CRTC1: variants seen among roughly 807,000 people sequenced by gnomAD.
CRTC1 encodes the protein CREB regulated transcription coactivator 1, also known as CREB-regulated transcription coactivator 1.
Under a neutral mutation model 66.1 loss-of-function variants are expected in CRTC1, and 18 were observed. The observed-to-expected ratio is 0.27, with a 90% CI of 0.19 to 0.40. The LOEUF (loss-of-function observed/expected upper bound fraction) is 0.40, where lower values mean the gene tolerates loss of function less well. Ranked by LOEUF, CRTC1 falls within the 10% of genes least tolerant of loss-of-function variation. CRTC1 has a pLI of 1.00. For missense variants in CRTC1, 669 were observed against 887.9 expected (o/e 0.75, Z 3.13); for synonymous variants, 416 against 398.8 (o/e 1.04, Z -0.51).
chr19:18,729,319 A>C (rs964955261), intron 1 of CRTC1, among the ~76,000 whole-genome samples: 2 of 150,206 alleles, frequency 1.3e-5, no homozygotes, highest in African/African-American at 4.9e-5. Context: ...CCAGCTACTC[A>C]GGGGGCTGAG....
intron 1 of CRTC1, among the ~76,000 whole-genome samples, chr19:18,725,055 G>A (rs912046653): frequency 2.0e-5 from 3 of 151,994 alleles, no homozygotes; most frequent in Non-Finnish European, 4.4e-5. Flanking sequence ...TGGAGCTGGG[G>A]GGTGTCCCCT....
At chr19:18,734,699 C>T (rs2053960998) in intron 1 of CRTC1, among the ~76,000 whole-genome samples, 1 of 152,210 alleles carries the variant, frequency 6.6e-6, no homozygotes. Flanking sequence ...AGAAAGAAAA[C>T]AGATGCGGGA....
At chr19:18,716,964 CGTGCAGGCAGGACAGGA>C (rs570854265) in intron 1 of CRTC1, among the ~76,000 whole-genome samples, 2,920 of 152,026 alleles carry the variant, frequency 0.019, 41 homozygotes, top group Middle Eastern at 0.044. Flanking sequence ...TGGGAGCTGG[CGTGCAGGCAGGACAGGA>C]GTGCAGGCAG....
chr19:18,774,244 C>T (rs1442880487), intron 11 of CRTC1, among the ~76,000 whole-genome samples: 2 of 152,210 alleles, frequency 1.3e-5, no homozygotes, highest in African/African-American at 2.4e-5. Flanking sequence ...TCCTTTCTAG[C>T]GTCTCCACCA....
chr19:18,717,163 C>T (rs1408402309), intron 1 of CRTC1, among the ~76,000 whole-genome samples: 1 of 152,116 alleles, frequency 6.6e-6, no homozygotes, highest in Admixed American at 6.5e-5. Context: ...TGGCGCTGGG[C>T]TGGAGACATG....
intron 1 of CRTC1, among the ~76,000 whole-genome samples, chr19:18,715,385 G>A (rs1397540297): frequency 1.3e-5 from 2 of 152,162 alleles, no homozygotes; most frequent in Non-Finnish European, 2.9e-5. Flanking sequence ...ACGACACCAC[G>A]CCTGGCTAAT....
rs2054859336 is a variant in CRTC1 at position 18,771,188 on chromosome 19, A to T, written c.1321-254A>T. On this transcript the variant is annotated intron_variant, in intron 10 of 13. Transcript: ENST00000321949. This position sits in a 1 kb window ranked among gnomAD's most constrained non-coding sequence, Gnocchi z 4.6. ...CCTCTGATCACCCTCCTGTAGCTCC[A>T]AGAAGGAGGGCAGTTATTCACCCTC... is the stretch of plus-strand genomic sequence containing the variant. Among the ~76,000 whole-genome samples the T allele has an allele frequency of 1.3e-5, 2 of 152,090 alleles. No individual in the cohort carries two copies. The highest frequency in any genetic ancestry group is 1.3e-4 in the Admixed American group (2 of 15,278).
At chr19:18,712,672 C>A (rs900625380) in intron 1 of CRTC1, among the ~76,000 whole-genome samples, 4 of 152,120 alleles carry the variant, frequency 2.6e-5, no homozygotes, top group Admixed American at 2.6e-4. Flanking sequence ...AAAAGAGAAT[C>A]CCCTTAGCCG....
intron 12 of CRTC1, among the ~76,000 whole-genome samples, chr19:18,775,289 G>A (rs2054961877): frequency 6.6e-6 from 1 of 152,254 alleles, no homozygotes; most frequent in Non-Finnish European, 1.5e-5. Context: ...ATGGGACCGT[G>A]GCTGTGGACG....
Position 18,777,589 on chromosome 19 carries a change from C to T in CRTC1, c.*207C>T. 3.6e-6 allele frequency: 2 copies of T among 552,442 alleles called. No individual in the cohort carries two copies. The highest frequency in any genetic ancestry group is 6.3e-6 in the Non-Finnish European group (2 of 316,086). 34.2% of individuals were successfully genotyped at this position (552,442 alleles called of 1,614,324 possible). A position where few individuals can be genotyped will look rare whatever the true frequency, so the allele number is the denominator to read the frequency against. On this transcript the variant is annotated 3_prime_UTR_variant, in exon 14 of 14. Coordinates refer to ENST00000321949, the MANE Select transcript of CRTC1 (RefSeq NM_015321.3). The surrounding 1 kb of genome is among the most constrained non-coding windows in gnomAD (Gnocchi z 5.5). ...CGAGCCGGGCCGTCCACCCACCCGC[C>T]CGCCCAGGGCTGGGCTGGGATCGGA... is the stretch of plus-strand genomic sequence containing the variant.
At chr19:18,718,172 C>T (rs1368396199) in intron 1 of CRTC1, among the ~76,000 whole-genome samples, 1 of 152,196 alleles carries the variant, frequency 6.6e-6, no homozygotes, top group African/African-American at 2.4e-5. Flanking sequence ...CCTCCCCAGC[C>T]CCTGGCAGTT....
chr19:18,702,922 C>A (rs528586186), intron 1 of CRTC1, among the ~76,000 whole-genome samples: 2 of 152,052 alleles, frequency 1.3e-5, no homozygotes, highest in Non-Finnish European at 2.9e-5. Flanking sequence ...CTGGTTGCGA[C>A]GGCCGGGCTG....
At chr19:18,745,723 G>T in intron 2 of CRTC1, 100 bp from the exon 3 acceptor site, 1 of 1,475,758 alleles carries the variant, frequency 6.8e-7, no homozygotes, top group African/African-American at 1.4e-5. Flanking sequence ...GCTCCAGAGT[G>T]GGGGGCCCTG....
chr19:18,714,014 C>G (rs2053450003), intron 1 of CRTC1, among the ~76,000 whole-genome samples: 1 of 152,180 alleles, frequency 6.6e-6, no homozygotes, highest in Non-Finnish European at 1.5e-5. Flanking sequence ...ACGCTCACCT[C>G]TCCTGGCACC....
chr19:18,743,796 G>A (rs576422699), intron 2 of CRTC1, among the ~76,000 whole-genome samples: 17 of 152,362 alleles, frequency 1.1e-4, no homozygotes, highest in Admixed American at 1.1e-3. Flanking sequence ...CCACCACGGT[G>A]CGCCTCCTCC....
chr19:18,775,926 G>A (rs2054978600), intron 13 of CRTC1, 105 bp downstream of exon 13: 5 of 1,250,230 alleles, frequency 4.0e-6, no homozygotes, highest in Admixed American at 2.9e-5. Context: ...ACAGGGCCGG[G>A]GTTGTGACCC....
At position 18,741,947 on chromosome 19, in the gene CRTC1, G is replaced by A. The variant is rs926569198; in HGVS notation, c.127-963G>A. ...AGGAGCTGTTTGTAAGGAACGAGTC[G>A]GCCTTGTTGTGTACACAGTGTCCAC... On this transcript the variant is annotated intron_variant, in intron 1 of 13. Coordinates refer to ENST00000321949, the MANE Select transcript of CRTC1 (RefSeq NM_015321.3). This position sits in a 1 kb window ranked among gnomAD's most constrained non-coding sequence, Gnocchi z 4.2. 4.6e-5 allele frequency among the ~76,000 whole-genome samples: 7 copies of A among 152,022 alleles called. No homozygotes were observed. Among genetic ancestry groups the A allele is most frequent in the South Asian group, 4.1e-4 (2 of 4,822 alleles).
rs1424590134 is a variant in CRTC1, at chr19:18,778,113, A to C, written c.*731A>C. 2.1e-5 allele frequency: 5 copies of C among 232,654 alleles called. No homozygotes were observed. The highest frequency in any genetic ancestry group is 1.1e-4 in the African/African-American group (5 of 45,266). The allele number at this position is 232,654 out of a possible 1,614,324, so 14.4% of individuals were successfully genotyped here. A position where few individuals can be genotyped will look rare whatever the true frequency, so the allele number is the denominator to read the frequency against. ...ACCGCAGGCAGGCCCATCGGTGGCC[A>C]CCTTTGCCGGGAAGTGACCGGAAGG... is the stretch of plus-strand genomic sequence containing the variant. On this transcript the variant is annotated 3_prime_UTR_variant, in exon 14 of 14. Coordinates refer to ENST00000321949, the MANE Select transcript of CRTC1 (RefSeq NM_015321.3).
At chr19:18,731,101 C>T (rs527867676) in intron 1 of CRTC1, among the ~76,000 whole-genome samples, 1 of 152,320 alleles carries the variant, frequency 6.6e-6, no homozygotes, top group African/African-American at 2.4e-5. Context: ...CTCTGCCTCC[C>T]GTGTTGCTGG....
Sources: allele counts gnomAD v4.1 joint callset (sites outside exome capture counted in the v4.1 genomes callset), GRCh38; gene constraint gnomAD v4.1.1; non-coding constraint Gnocchi (gnomAD v3.1); transcripts MANE v1.5; gene names NCBI Gene and HGNC (gene_info 2026-07-23, HGNC 2026-07-21).